The following PCLO variants were observed in gnomAD, a reference collection of about 807,000 sequenced individuals.
The protein encoded by PCLO is protein piccolo.
PCLO carries 82 observed loss-of-function variants against 427.5 expected under a neutral mutation model. The observed-to-expected ratio is 0.19, with a 90% CI of 0.16 to 0.23. PCLO has a LOEUF of 0.23. Among genes scored for constraint, PCLO ranks in the 10% least tolerant of loss-of-function variants. The pLI, the probability that PCLO is intolerant of heterozygous loss-of-function variation, is 1.00. For synonymous variants in PCLO, 2,357 were observed against 2,155.4 expected (o/e 1.09, Z -2.59); for missense variants, 6,239 against 6,115.9 (o/e 1.02, Z -0.67).
intron 3 of PCLO, among the ~76,000 whole-genome samples, chr7:83,074,788 T>G (rs1011157328): frequency 6.6e-6 from 1 of 152,166 alleles, no homozygotes. Context: ...AAATACTGCA[T>G]GAAGCACATA....
intron 9 of PCLO, among the ~76,000 whole-genome samples, chr7:82,882,915 A>C (rs1793543090): frequency 6.6e-6 from 1 of 152,102 alleles, no homozygotes; most frequent in African/African-American, 2.4e-5. Flanking sequence ...AAGCTCTGGT[A>C]TTTTAAAGTA....
At chr7:82,918,303 T>A (rs1183476216) in intron 6 of PCLO, among the ~76,000 whole-genome samples, 1 of 151,988 alleles carries the variant, frequency 6.6e-6, no homozygotes, top group Non-Finnish European at 1.5e-5. Flanking sequence ...ACAGAATTGT[T>A]ATAAAAATCA....
chr7:82,954,416 A>G lies in PCLO; in HGVS notation c.6537T>C (p.Ser2179=), dbSNP rs1378069831. 1 of 1,613,962 alleles carries G rather than the reference A, an allele frequency of 6.2e-7. No individual in the cohort carries two copies. The highest frequency in any genetic ancestry group is 8.5e-7 in the Non-Finnish European group (1 of 1,179,852). The change falls in exon 5 of 25, where the codon TCT becomes TCC. Residue 2179 remains serine, a synonymous_variant. Coordinates refer to ENST00000333891, the MANE Select transcript of PCLO (RefSeq NM_033026.6). ...PSESATSVPP[S]DTPSLTSSVS... ...CAGATGATGTGAGAGAAGGTGTGTC[A>G]GAGGGTGGGACAGATGTAGCACTTT...
intron 3 of PCLO, among the ~76,000 whole-genome samples, chr7:83,000,334 C>A (rs373373507): frequency 6.6e-6 from 1 of 151,318 alleles, no homozygotes; most frequent in Non-Finnish European, 1.5e-5. Flanking sequence ...GAATTCTATA[C>A]TCTGAAACTA....
In PCLO at chr7:83,102,552, C is replaced by T. The variant is rs1190173322; in HGVS notation, c.3300+31698G>A. 3.3e-5 allele frequency among the ~76,000 whole-genome samples: 5 copies of T among 151,826 alleles called. No homozygotes were observed. The East Asian group carries it at 9.6e-4, about 29-fold the overall frequency. On this transcript the variant is annotated intron_variant, in intron 3 of 24. Transcript: ENST00000333891. ...TTCTGGGTTTGAATTCTACTTCTGC[C>T]ATTTTGTGATATCAGGCAAGTTACT...
intron 6 of PCLO, among the ~76,000 whole-genome samples, chr7:82,939,660 TAGAG>T (rs1241848742): frequency 0.023 from 3,377 of 146,446 alleles, 132 homozygotes; most frequent in African/African-American, 0.08. Flanking sequence ...TATATATATA[TAGAG>T]AGAGAGAGAA....
At chr7:83,085,361 A>G (rs1056851225) in intron 3 of PCLO, among the ~76,000 whole-genome samples, 13 of 152,168 alleles carry the variant, frequency 8.5e-5, no homozygotes, top group Non-Finnish European at 1.6e-4. Flanking sequence ...TTAAAAACCT[A>G]CTGCGAAGTT....
intron 3 of PCLO, among the ~76,000 whole-genome samples, chr7:83,094,009 T>A (rs541218690): frequency 5.5e-4 from 84 of 151,810 alleles, no homozygotes; most frequent in African/African-American, 1.4e-3. Flanking sequence ...TACAGAACAT[T>A]TTCATCACCA....
intron 20 of PCLO, chr7:82,821,932 G>T (rs1791801961): frequency 2.0e-6 from 2 of 985,400 alleles, no homozygotes; most frequent in Admixed American, 6.2e-5. Context: ...CCATATTTCA[G>T]AAGCAAAATT....
At chr7:82,803,191 G>T (rs1230400390) in intron 21 of PCLO, among the ~76,000 whole-genome samples, 1 of 151,986 alleles carries the variant, frequency 6.6e-6, no homozygotes, top group Non-Finnish European at 1.5e-5. Flanking sequence ...GGGAAAAAAA[G>T]CTTAATAGCA....
chr7:82,765,729 G>C (rs559785870), intron 22 of PCLO, among the ~76,000 whole-genome samples: 3 of 151,982 alleles, frequency 2.0e-5, no homozygotes, highest in Non-Finnish European at 4.4e-5. Flanking sequence ...GGCAAATTCA[G>C]TTCTGGTCAC....
chr7:83,072,821 T>C (rs191044887), intron 3 of PCLO, among the ~76,000 whole-genome samples: 45 of 152,164 alleles, frequency 3.0e-4, no homozygotes, highest in Admixed American at 1.9e-3. Flanking sequence ...CTCTTATCTA[T>C]GTAGCCATTC....
intron 16 of PCLO, among the ~76,000 whole-genome samples, chr7:82,832,800 TACACACAC>T (rs10645073): frequency 0.12 from 16,777 of 140,618 alleles, 988 homozygotes; most frequent in East Asian, 0.15. Flanking sequence ...CTAAACTTAC[TACACACAC>T]ACACACACAC....
In PCLO at chr7:82,956,707, C is replaced by T; in HGVS notation, c.4246G>A (p.Val1416Ile). ...PSDLAKLEST[V>I]LSILEAQAST... is the part of the protein sequence containing the mutation. ...GCTTGAGCTTCCAAAATAGATAGGACTGTACTTTCTAACTTAGCCAAATCT... is the reference window on the plus strand; with the variant it reads ...GCTTGAGCTTCCAAAATAGATAGGATTGTACTTTCTAACTTAGCCAAATCT... Residue 1416 changes from valine to isoleucine, a missense_variant, in exon 5 of 25, where the codon GTC (valine) becomes ATC (isoleucine). Val to Ile is a conservative substitution (Grantham distance 29). Around this residue, in one of 5 missense-constraint regions of PCLO, gnomAD observed 4,677 missense variants for 4,468.4 expected, o/e 1.05. Transcript: ENST00000333891. The T allele has an allele frequency of 6.2e-7, 1 of 1,613,710 alleles. No individual in the cohort carries two copies. The highest frequency in any genetic ancestry group is 8.5e-7 in the Non-Finnish European group (1 of 1,179,760).
intron 3 of PCLO, among the ~76,000 whole-genome samples, chr7:83,127,650 C>G (rs1791470604): frequency 6.6e-6 from 1 of 151,992 alleles, no homozygotes; most frequent in South Asian, 2.1e-4. Flanking sequence ...TTGTAATATT[C>G]TGCATTTCTC....
chr7:83,106,829 T>C (rs987292690), intron 3 of PCLO, among the ~76,000 whole-genome samples: 3 of 152,126 alleles, frequency 2.0e-5, no homozygotes, highest in African/African-American at 7.2e-5. Flanking sequence ...ATATAAGGTA[T>C]AAACACCCTT....
rs749158381 is a variant in PCLO, at chr7:82,966,231, G to A, written c.3557C>T (p.Pro1186Leu). Residue 1186 changes from proline (P) to leucine (L), a missense_variant, in exon 4 of 25, where the codon CCT (proline) becomes CTT (leucine). Pro to Leu is a moderately conservative substitution (Grantham distance 98). Transcript: ENST00000333891. ...VKETLSMEKI[P>L]PMVTTDQKQE... ...TTTTTGATCTGTGGTTACCATAGGA[G>A]GAATTTTTTCCATTGATAGTGTTTC... The A allele has an allele frequency of 1.9e-6, 3 of 1,611,176 alleles. No homozygotes were observed. Among genetic ancestry groups the A allele is most frequent in the Non-Finnish European group, 2.5e-6 (3 of 1,179,304 alleles).
At chr7:82,982,572 C>T (rs922958457) in intron 3 of PCLO, among the ~76,000 whole-genome samples, 1 of 151,804 alleles carries the variant, frequency 6.6e-6, no homozygotes, top group African/African-American at 2.4e-5. Context: ...AAAAAACAGA[C>T]CTTTAGATAT....
intron 7 of PCLO, among the ~76,000 whole-genome samples, chr7:82,912,903 A>T (rs556995343): frequency 6.6e-6 from 1 of 152,168 alleles, no homozygotes; most frequent in East Asian, 1.9e-4. Context: ...ATCTTAAGGC[A>T]TTTCGTTATG....
Sources: allele counts gnomAD v4.1 joint callset (sites outside exome capture counted in the v4.1 genomes callset), GRCh38; gene constraint gnomAD v4.1.1; regional missense constraint gnomAD v4.1.1; transcripts MANE v1.5; gene names NCBI Gene and HGNC (gene_info 2026-07-23, HGNC 2026-07-21).